The following CD44 variants were observed in gnomAD, a reference collection of about 807,000 sequenced individuals.
CD44 encodes CD44 molecule (IN blood group).
Under a neutral mutation model 88.8 loss-of-function variants are expected in CD44, and 49 were observed. That is an observed-to-expected ratio of 0.55 (90% confidence interval 0.44 to 0.70). CD44 has a LOEUF of 0.70. Ranked by LOEUF, CD44 falls within the 30% of genes least tolerant of loss-of-function variation. The pLI, the probability that CD44 is intolerant of heterozygous loss-of-function variation, is 0.00. For missense variants in CD44, 883 were observed against 913.8 expected, an observed-to-expected ratio of 0.97 and a Z score of 0.43; for synonymous variants, 325 against 312.3, an observed-to-expected ratio of 1.04 and a Z score of -0.43.
At chr11:35,142,148 A>G (rs763602963) in intron 1 of CD44, among the ~76,000 whole-genome samples, 7 of 151,924 alleles carry the variant, frequency 4.6e-5, no homozygotes, top group Non-Finnish European at 1.0e-4. Flanking sequence ...CTTCATGCAC[A>G]TGCATCTCCT....
chr11:35,166,596 C>T (rs778704991), intron 1 of CD44, among the ~76,000 whole-genome samples: 4 of 152,212 alleles, frequency 2.6e-5, no homozygotes, highest in Non-Finnish European at 5.9e-5. Context: ...TGACAGGCCC[C>T]TCCATGTTGG....
Position 35,210,031 on chromosome 11 carries a change from CA to C in CD44, c.1585del (p.Thr529LeufsTer4). 1 of 1,560,106 alleles carries C rather than the reference CA, an allele frequency of 6.4e-7. No homozygotes were observed. Among genetic ancestry groups the C allele is most frequent in the Non-Finnish European group, 8.6e-7 (1 of 1,158,984 alleles). On this transcript the variant is annotated frameshift_variant, in exon 13 of 18. Transcript: ENST00000428726. LOFTEE classifies it high-confidence loss of function. The stretch of plus-strand genomic sequence containing the variant: ...TTGGAAGAAGATAAAGACCATCCAA[CA>C]ACTTCTACTCTGACATCAAGCAGTA... The part of the protein sequence containing the change: ...EGLEEDKDHP[T>X]TSTLTSSNRN...
chr11:35,189,241 A>G (rs1214344162), intron 4 of CD44, among the ~76,000 whole-genome samples: 2 of 152,230 alleles, frequency 1.3e-5, no homozygotes, highest in Non-Finnish European at 2.9e-5. Flanking sequence ...TTCTGTATTT[A>G]GACCTGCTGG....
In CD44 at chr11:35,222,693, TTATAAAAG is replaced by T. The variant is rs1256003015; in HGVS notation, c.2024+968_2024+975del. 26 of 924,544 alleles carry T rather than the reference TTATAAAAG, an allele frequency of 2.8e-5. No individual in the cohort carries two copies. The South Asian group carries it at 1.0e-3, about 36-fold the overall frequency. The allele number at this position is 924,544 out of a possible 1,614,324, so 57.3% of individuals were successfully genotyped here. A position where few individuals can be genotyped will look rare whatever the true frequency, so the allele number is the denominator to read the frequency against. On this transcript the variant is annotated intron_variant, in intron 17 of 17. Transcript: ENST00000428726. ...CTTTAACAGGGGTATAAATCTAAATTTATAAAAGTATAAATCTAAATTTCTTACCCAAG... is the reference window on the plus strand; with the variant it reads ...CTTTAACAGGGGTATAAATCTAAATTTATAAATCTAAATTTCTTACCCAAG...
intron 4 of CD44, among the ~76,000 whole-genome samples, chr11:35,189,003 C>G (rs530451773): frequency 6.6e-6 from 1 of 152,082 alleles, no homozygotes; most frequent in African/African-American, 2.4e-5. Context: ...TTAGTCCCAT[C>G]AATGCAATAC....
chr11:35,223,237 G>T (rs901504746), intron 17 of CD44: 56 of 985,158 alleles, frequency 5.7e-5, no homozygotes, highest in Non-Finnish European at 4.5e-5. Flanking sequence ...ACTTGGGGGA[G>T]CCTTTACAAA....
At chr11:35,183,556 C>T (rs1049301324) in intron 3 of CD44, among the ~76,000 whole-genome samples, 7 of 152,102 alleles carry the variant, frequency 4.6e-5, no homozygotes, top group African/African-American at 1.4e-4. Flanking sequence ...GTGATCCCCC[C>T]CATAAAACGG....
intron 1 of CD44, among the ~76,000 whole-genome samples, chr11:35,147,939 A>G (rs959234187): frequency 2.0e-5 from 3 of 152,078 alleles, no homozygotes; most frequent in Admixed American, 6.5e-5. Flanking sequence ...AAATACAAAA[A>G]AATTAGCCGG....
intron 17 of CD44, chr11:35,223,443 G>C (rs1212776071): frequency 1.7e-5 from 4 of 229,824 alleles, no homozygotes; most frequent in Non-Finnish European, 2.9e-5. Context: ...TCGACATTTA[G>C]GGAGACCTCG....
At chr11:35,225,102 G>T (rs1949602234) in intron 17 of CD44, among the ~76,000 whole-genome samples, 1 of 123,766 alleles carries the variant, frequency 8.1e-6, no homozygotes, top group Non-Finnish European at 1.9e-5. Flanking sequence ...AGCCACAACT[G>T]AGCACTTGAA....
chr11:35,184,549 T>A (rs1409667488), intron 3 of CD44, among the ~76,000 whole-genome samples: 1 of 152,180 alleles, frequency 6.6e-6, no homozygotes, highest in African/African-American at 2.4e-5. Context: ...CTCCCCTAAA[T>A]CTCCCAGGTT....
intron 17 of CD44, among the ~76,000 whole-genome samples, chr11:35,225,576 G>A (rs550910941): frequency 2.0e-5 from 3 of 152,254 alleles, no homozygotes; most frequent in African/African-American, 7.2e-5. Context: ...CAGCACTTTG[G>A]GAGGCTGAGG....
chr11:35,153,932 G>GA (rs576118887), intron 1 of CD44, among the ~76,000 whole-genome samples: 12 of 151,940 alleles, frequency 7.9e-5, no homozygotes, highest in Non-Finnish European at 1.2e-4. Context: ...AAGAAAGCAA[G>GA]AAAAAAAATT....
chr11:35,170,885 G>T (rs1943798332), intron 1 of CD44, among the ~76,000 whole-genome samples: 1 of 152,154 alleles, frequency 6.6e-6, no homozygotes, highest in African/African-American at 2.4e-5. Flanking sequence ...GTGGTCCATG[G>T]CTATTCACAT....
intron 2 of CD44, among the ~76,000 whole-genome samples, chr11:35,179,255 C>T (rs182576310): frequency 6.6e-6 from 1 of 152,284 alleles, no homozygotes; most frequent in Non-Finnish European, 1.5e-5. Flanking sequence ...GCATTTTAGC[C>T]AGAATTGCAT....
rs368894432 is a variant in CD44 at position 35,225,126 on chromosome 11, A to AAGCACTTGAACTATGGCTAGTTC, written c.2024+3395_2024+3396insGCACTTGAACTATGGCTAGTTCA. On this transcript the variant is annotated intron_variant, in intron 17 of 17. Coordinates refer to ENST00000428726, the MANE Select transcript of CD44 (RefSeq NM_000610.4). Reference sequence around the variant, plus strand: ...TGAGCACTTGAACTATGGCTAGTTCAACTGAGGAAGTGAATTTTTAATTTC... The same window carrying AAGCACTTGAACTATGGCTAGTTC: ...TGAGCACTTGAACTATGGCTAGTTCAAGCACTTGAACTATGGCTAGTTCACTGAGGAAGTGAATTTTTAATTTC... Among the ~76,000 whole-genome samples, 221 of 150,924 alleles carry AAGCACTTGAACTATGGCTAGTTC rather than the reference A, an allele frequency of 1.5e-3. 1 individual carries two copies. Among genetic ancestry groups the AAGCACTTGAACTATGGCTAGTTC allele is most frequent in the Middle Eastern group, 3.4e-3 (1 of 292 alleles).
intron 1 of CD44, among the ~76,000 whole-genome samples, chr11:35,143,445 C>G (rs1376625709): frequency 2.6e-5 from 4 of 151,818 alleles, no homozygotes; most frequent in Non-Finnish European, 4.4e-5. Flanking sequence ...CTAGCACTCT[C>G]TTTAACTCCA....
chr11:35,203,301 A>C (rs1007516049), intron 9 of CD44, among the ~76,000 whole-genome samples: 3 of 67,378 alleles, frequency 4.5e-5, no homozygotes, highest in Admixed American at 3.8e-4. Flanking sequence ...TAGTGATAGA[A>C]GGAGCATAGT....
chr11:35,214,418 G>A (rs1416259741), intron 14 of CD44, among the ~76,000 whole-genome samples: 1 of 152,156 alleles, frequency 6.6e-6, no homozygotes. Flanking sequence ...CTAAGCCAGA[G>A]TATGCCCATT....
Sources: allele counts gnomAD v4.1 joint callset (sites outside exome capture counted in the v4.1 genomes callset), GRCh38; gene constraint gnomAD v4.1.1; transcripts MANE v1.5; gene names NCBI Gene and HGNC (gene_info 2026-07-23, HGNC 2026-07-21).